Variants in PCDHA4 observed in about 807,000 individuals in gnomAD.
PCDHA4 encodes protocadherin alpha 4, also known as protocadherin alpha-4.
In PCDHA4, 49 loss-of-function variants were observed where a neutral mutation model predicts 61.4. The observed-to-expected ratio is 0.80, with a 90% CI of 0.63 to 1.01. PCDHA4 has a LOEUF of 1.01. PCDHA4 is among the 50% of genes least tolerant of loss of function. PCDHA4 has a pLI of 0.00. For synonymous variants in PCDHA4, 590 were observed against 550.3 expected (o/e 1.07, Z -1.01); for missense variants, 1,254 against 1,235.8 (o/e 1.01, Z -0.22).
chr5:140,997,221 T>C (rs2097763900), intron 3 of PCDHA4, among the ~76,000 whole-genome samples: 1 of 152,152 alleles, frequency 6.6e-6, no homozygotes, highest in Admixed American at 6.5e-5. Context: ...GAAACTATCA[T>C]TACCACCCAA....
intron 1 of PCDHA4, among the ~76,000 whole-genome samples, chr5:140,821,358 A>G (rs1766954741): frequency 1.3e-5 from 2 of 152,132 alleles, no homozygotes; most frequent in South Asian, 4.1e-4. Context: ...CTTTAGATGT[A>G]TTTTTCTGTA....
intron 1 of PCDHA4, chr5:140,875,379 G>A: frequency 1.4e-6 from 2 of 1,459,474 alleles, no homozygotes; most frequent in Non-Finnish European, 1.8e-6. Flanking sequence ...TACTAAATAT[G>A]TACTTACAGA....
At chr5:140,896,451 C>T (rs1173407136) in intron 1 of PCDHA4, among the ~76,000 whole-genome samples, 1 of 152,112 alleles carries the variant, frequency 6.6e-6, no homozygotes, top group Non-Finnish European at 1.5e-5. Flanking sequence ...CAACCTCCAC[C>T]TCCTGGGTTC....
At chr5:140,878,153 A>G (rs554763085) in intron 1 of PCDHA4, 21 of 178,230 alleles carry the variant, frequency 1.2e-4, no homozygotes, top group Non-Finnish European at 2.3e-4. Context: ...TGATAACTTA[A>G]AAATTTAATT....
intron 3 of PCDHA4, among the ~76,000 whole-genome samples, chr5:141,003,433 T>G (rs1479468480): frequency 2.0e-5 from 3 of 152,112 alleles, no homozygotes; most frequent in African/African-American, 7.2e-5. Flanking sequence ...TGCCTCAGCC[T>G]CCCAAGTAGA....
At chr5:140,882,143 C>T in intron 1 of PCDHA4, 1 of 1,494,048 alleles carries the variant, frequency 6.7e-7, no homozygotes, top group Non-Finnish European at 8.9e-7. Context: ...GAAAATATAG[C>T]AGAAAGCGGA....
At chr5:140,982,607 G>T (rs868934947) in intron 3 of PCDHA4, 44 bp downstream of exon 3, 2 of 1,601,622 alleles carry the variant, frequency 1.2e-6, no homozygotes, top group South Asian at 1.1e-5. Flanking sequence ...TTTCTGGAAA[G>T]TGATCAGATG....
intron 1 of PCDHA4, among the ~76,000 whole-genome samples, chr5:140,950,045 A>G (rs1293026782): frequency 1.3e-5 from 2 of 151,934 alleles, no homozygotes; most frequent in Non-Finnish European, 2.9e-5. Context: ...ACAACCATAT[A>G]AGACTATTTA....
intron 1 of PCDHA4, among the ~76,000 whole-genome samples, chr5:140,936,540 G>A (rs1320380132): frequency 6.6e-6 from 1 of 152,174 alleles, no homozygotes; most frequent in East Asian, 1.9e-4. Context: ...TGAATATAGT[G>A]CAATGTAGAA....
At chr5:140,847,461 C>T (rs1781028892) in intron 1 of PCDHA4, 1 of 149,664 alleles carries the variant, frequency 6.7e-6, no homozygotes, top group South Asian at 2.1e-4. Context: ...TTTAATTAAT[C>T]GACTTGGACG....
intron 1 of PCDHA4, chr5:140,968,403 T>C (rs1554230673): frequency 6.2e-7 from 1 of 1,613,984 alleles, no homozygotes; most frequent in Non-Finnish European, 8.5e-7. Context: ...CGGGAGTTCT[T>C]TGTGACTGTG....
At chr5:140,954,864 G>A (rs2095103058) in intron 1 of PCDHA4, among the ~76,000 whole-genome samples, 1 of 152,074 alleles carries the variant, frequency 6.6e-6, no homozygotes, top group Admixed American at 6.5e-5. Context: ...TGTCCTGAAT[G>A]GTATTGCCTA....
chr5:140,822,479 A>G, intron 1 of PCDHA4: 5 of 1,613,856 alleles, frequency 3.1e-6, no homozygotes, highest in Non-Finnish European at 4.2e-6. Context: ...TTGGATGCTA[A>G]TGATAACGCC....
intron 1 of PCDHA4, chr5:140,876,794 T>G: frequency 6.2e-7 from 1 of 1,614,056 alleles, no homozygotes; most frequent in Non-Finnish European, 8.5e-7. Flanking sequence ...ACGGCTAGAG[T>G]GTCCGTGGAG....
In PCDHA4 at chr5:141,010,032, T is replaced by C. The variant is rs529237892; in HGVS notation, c.*95T>C. 6.3e-7 allele frequency: 1 copy of C among 1,582,368 alleles called. No individual in the cohort carries two copies. Among genetic ancestry groups the C allele is most frequent in the African/African-American group, 1.4e-5 (1 of 73,468 alleles). On this transcript the variant is annotated 3_prime_UTR_variant, in exon 4 of 4. Transcript: ENST00000530339. ...TCCCTGCTCCTTTTTCCTATCTACA[T>C]GAGCCCTCTTAGAGACCTCAGAAAT...
At chr5:140,817,776 G>A (rs1184361600) in intron 1 of PCDHA4, among the ~76,000 whole-genome samples, 1 of 152,060 alleles carries the variant, frequency 6.6e-6, no homozygotes, top group African/African-American at 2.4e-5. Context: ...ATTTCCTTTA[G>A]TGTGGCCTGC....
chr5:140,870,722 G>C (rs1554164638), intron 1 of PCDHA4: 20 of 1,613,222 alleles, frequency 1.2e-5, no homozygotes, highest in Non-Finnish European at 1.4e-5. Context: ...CGCGATGCGG[G>C]CGTGCCGCCT....
chr5:140,807,707 C>T lies in PCDHA4; in HGVS notation c.520C>T (p.Pro174Ser), dbSNP rs1562211808. 6.2e-7 allele frequency: 1 copy of T among 1,614,116 alleles called. No individual in the cohort carries two copies. Among genetic ancestry groups the T allele is most frequent in the Non-Finnish European group, 8.5e-7 (1 of 1,180,032 alleles). The change falls in exon 1 of 4, where the codon CCA becomes TCA. Residue 174 changes from proline (P) to serine (S), a missense_variant. Physicochemically the swap from Pro to Ser is moderately conservative, Grantham distance 74 (BLOSUM62 -1). Coordinates refer to ENST00000530339, the MANE Select transcript of PCDHA4 (RefSeq NM_018907.4). ...CGCCCTGCTCACTTACAGACTGAGC[C>T]CAAATGAATACTTTTCTCTGGAAAA... ...ENALLTYRLS[P>S]NEYFSLEKPP...
chr5:140,808,237 G>A lies in PCDHA4; in HGVS notation c.1050G>A (p.Leu350=). The A allele has an allele frequency of 6.2e-7, 1 of 1,614,216 alleles. No individual in the cohort carries two copies. Among genetic ancestry groups the A allele is most frequent in the African/African-American group, 1.3e-5 (1 of 75,054 alleles). Residue 350 remains leucine (L), a synonymous_variant, in exon 1 of 4, where the codon TTG becomes TTA. Transcript: ENST00000530339. Reference sequence around the variant, plus strand: ...ACAACAACGATAATGTCCCAGATTTGGAATTCAAGTCTTTATCACTTCCAA... The same window carrying A: ...ACAACAACGATAATGTCCCAGATTTAGAATTCAAGTCTTTATCACTTCCAA... ...VEDNNDNVPD[L]EFKSLSLPIR...
Sources: gnomAD v4.1 joint callset for allele counts (sites outside exome capture counted in the v4.1 genomes callset) on GRCh38, gnomAD v4.1.1 for gene constraint, MANE v1.5 for transcripts, NCBI Gene and HGNC (gene_info 2026-07-23, HGNC 2026-07-21) for gene names.